Variants in TIAM1 observed in about 807,000 individuals in gnomAD.
TIAM1 encodes rho guanine nucleotide exchange factor TIAM1.
TIAM1 carries 65 observed loss-of-function variants against 163.5 expected under a neutral mutation model. The observed-to-expected ratio is 0.40, with a 90% CI of 0.33 to 0.49. The LOEUF (loss-of-function observed/expected upper bound fraction) is 0.49, where lower values mean the gene tolerates loss of function less well. Among genes scored for constraint, TIAM1 ranks in the 20% least tolerant of loss-of-function variants. The pLI is 0.77. For synonymous variants in TIAM1, 833 were observed against 810.1 expected (o/e 1.03, Z -0.48); for missense variants, 1,789 against 2,044.7 (o/e 0.87, Z 2.41).
At chr21:31,244,804 AG>A (rs1199059899) in intron 6 of TIAM1, among the ~76,000 whole-genome samples, 2 of 152,252 alleles carry the variant, frequency 1.3e-5, no homozygotes, top group African/African-American at 4.8e-5. Context: ...CACAGAATAA[AG>A]GTTTGAGAAA....
At chr21:31,304,437 G>A (rs972268390) in intron 2 of TIAM1, among the ~76,000 whole-genome samples, 97 of 152,300 alleles carry the variant, frequency 6.4e-4, no homozygotes, top group African/African-American at 1.9e-3. Context: ...TTCATTGGAA[G>A]CTATCAGGAA....
chr21:31,150,915 G>A (rs780320513), intron 19 of TIAM1, among the ~76,000 whole-genome samples: 1 of 152,128 alleles, frequency 6.6e-6, no homozygotes, highest in Non-Finnish European at 1.5e-5. Flanking sequence ...TAAAATAAAT[G>A]AGCAAATTAT....
At chr21:31,530,131 G>A (rs760558869) in intron 1 of TIAM1, among the ~76,000 whole-genome samples, 102 of 152,308 alleles carry the variant, frequency 6.7e-4, no homozygotes, top group Admixed American at 1.4e-3. Context: ...CCAGGCTACC[G>A]TCAATGCCAT....
At chr21:31,182,975 G>A (rs953590862) in intron 14 of TIAM1, among the ~76,000 whole-genome samples, 8 of 152,152 alleles carry the variant, frequency 5.3e-5, no homozygotes, top group African/African-American at 1.2e-4. Context: ...CTTTTGGGGC[G>A]GGGCGAGCGG....
chr21:31,255,682 A>G (rs567507199), intron 4 of TIAM1, among the ~76,000 whole-genome samples: 11 of 152,326 alleles, frequency 7.2e-5, no homozygotes, highest in African/African-American at 2.6e-4. Context: ...AGAGTCAAAT[A>G]CTAAATTTTA....
In TIAM1 at chr21:31,438,179, C is replaced by CTTTTTTTTTTTT. The variant is rs34844399; in HGVS notation, c.-369+25792_-369+25803dup. ...ACATATGTAATTGCGTATTTGTGAT[C>CTTTTTTTTTTTT]TTTTTTTTTTTTTTTTTTTTTTTTT... is the stretch of plus-strand genomic sequence containing the variant. On this transcript the variant is annotated intron_variant, in intron 2 of 28. Transcript: ENST00000286827. Among the ~76,000 whole-genome samples the CTTTTTTTTTTTT allele has an allele frequency of 4.6e-4, 29 of 62,714 alleles. 4 individuals are homozygous for CTTTTTTTTTTTT. Among genetic ancestry groups the CTTTTTTTTTTTT allele is most frequent in the African/African-American group, 1.6e-3 (23 of 14,286 alleles). 41.1% of individuals were successfully genotyped at this position (62,714 alleles called of 152,430 possible). A position where few individuals can be genotyped will look rare whatever the true frequency, so the allele number is the denominator to read the frequency against.
intron 1 of TIAM1, among the ~76,000 whole-genome samples, chr21:31,517,526 T>C (rs1303875424): frequency 6.6e-6 from 1 of 152,008 alleles, no homozygotes; most frequent in Non-Finnish European, 1.5e-5. Context: ...TCCACGTAGA[T>C]CTAAGAGAAG....
At chr21:31,214,565 A>C (rs1202982515) in intron 9 of TIAM1, among the ~76,000 whole-genome samples, 1 of 152,064 alleles carries the variant, frequency 6.6e-6, no homozygotes, top group African/African-American at 2.4e-5. Flanking sequence ...GGGTTTTTTT[A>C]ATTAAAAAAT....
At chr21:31,554,765 C>A (rs2048816793) in intron 1 of TIAM1, among the ~76,000 whole-genome samples, 1 of 152,206 alleles carries the variant, frequency 6.6e-6, no homozygotes, top group South Asian at 2.1e-4. Flanking sequence ...CTCCAGGGCT[C>A]CGTGGTAGGA....
At position 31,119,282 on chromosome 21, in the gene TIAM1, A is replaced by G. The variant is rs192031645; in HGVS notation, c.*1086T>C. The stretch of plus-strand genomic sequence containing the variant: ...GTTCTGTTTAAAGGTTTGGTTATGG[A>G]CTGTCAGGGAAGGGGAAGGTAATCT... On this transcript the variant is annotated 3_prime_UTR_variant, in exon 28 of 28. Transcript: ENST00000541036. 67 of 152,702 alleles carry G rather than the reference A, an allele frequency of 4.4e-4. No homozygotes were observed. The highest frequency in any genetic ancestry group is 1.6e-3 in the African/African-American group (67 of 41,550). The allele number at this position is 152,702 out of a possible 1,614,324, so 9.5% of individuals were successfully genotyped here. A position where few individuals can be genotyped will look rare whatever the true frequency, so the allele number is the denominator to read the frequency against.
intron 4 of TIAM1, among the ~76,000 whole-genome samples, chr21:31,253,041 C>G (rs2071901886): frequency 1.3e-5 from 2 of 152,248 alleles, no homozygotes; most frequent in African/African-American, 2.4e-5. Flanking sequence ...TGCTTCTGCT[C>G]TGAAGCTGAA....
chr21:31,306,033 G>A (rs908441186), intron 2 of TIAM1, among the ~76,000 whole-genome samples: 7 of 152,092 alleles, frequency 4.6e-5, no homozygotes, highest in African/African-American at 1.4e-4. Context: ...CACACTTGAA[G>A]GGGTGCCTGC....
chr21:31,319,728 C>T (rs568029358), intron 2 of TIAM1, among the ~76,000 whole-genome samples: 34 of 146,780 alleles, frequency 2.3e-4, no homozygotes, highest in African/African-American at 8.6e-4. Flanking sequence ...TGCAGTGAGC[C>T]GAGATCGCAC....
Position 31,509,991 on chromosome 21 carries a change from A to G in TIAM1, c.-421-45956T>C, listed in dbSNP as rs1030150537. ...CAGACCAGAACTAGCATCTTTTATG[A>G]GGCACAGCCATCAAAGGACCTCCTG... On this transcript the variant is annotated intron_variant, in intron 1 of 28. Coordinates refer to the TIAM1 transcript ENST00000286827. Among the ~76,000 whole-genome samples the G allele has an allele frequency of 1.6e-4, 24 of 152,208 alleles. 1 individual carries two copies. Among genetic ancestry groups the G allele is most frequent in the African/African-American group, 4.6e-4 (19 of 41,458 alleles).
chr21:31,426,414 A>G (rs866707262), intron 2 of TIAM1, among the ~76,000 whole-genome samples: 1 of 152,214 alleles, frequency 6.6e-6, no homozygotes, highest in African/African-American at 2.4e-5. Flanking sequence ...GAGTTAGAAA[A>G]CATACATATT....
intron 1 of TIAM1, among the ~76,000 whole-genome samples, chr21:31,490,174 A>T (rs2046418248): frequency 6.9e-6 from 1 of 144,286 alleles, no homozygotes; most frequent in African/African-American, 2.9e-5. Context: ...TTGTTAACTC[A>T]GAGAGGCAAA....
chr21:31,533,147 C>T lies in TIAM1; in HGVS notation c.-422+25780G>A, dbSNP rs529934479. On this transcript the variant is annotated intron_variant, in intron 1 of 28. Transcript: ENST00000286827. ...GCCAGCCTGGCCAACATGGTGAAAC[C>T]CTGTCTCTACTAAAACCACAAAAAT... Among the ~76,000 whole-genome samples the T allele has an allele frequency of 1.3e-4, 20 of 152,130 alleles. No homozygotes were observed. In the East Asian group the frequency reaches 3.3e-3, roughly 25 times the overall value.
intron 1 of TIAM1, among the ~76,000 whole-genome samples, chr21:31,558,513 C>A (rs540653708): frequency 6.6e-6 from 1 of 152,240 alleles, no homozygotes; most frequent in Admixed American, 6.5e-5. Flanking sequence ...GATGCACAAG[C>A]ACGCCCTCCC....
intron 2 of TIAM1, among the ~76,000 whole-genome samples, chr21:31,296,710 C>G (rs886299202): frequency 3.3e-5 from 5 of 151,932 alleles, no homozygotes; most frequent in Admixed American, 6.6e-5. Flanking sequence ...GTCACCCAGG[C>G]TGGAGTGCAG....
Sources: allele counts gnomAD v4.1 joint callset (sites outside exome capture counted in the v4.1 genomes callset), GRCh38; gene constraint gnomAD v4.1.1; transcripts MANE v1.5; gene names NCBI Gene and HGNC (gene_info 2026-07-23, HGNC 2026-07-21).